Variants in CRACR2A observed in about 807,000 individuals in gnomAD.
The protein encoded by CRACR2A is calcium release activated channel regulator 2A.
A neutral mutation model predicts 90.5 loss-of-function variants in CRACR2A; 79 were observed. That is an observed-to-expected ratio of 0.87 (90% CI 0.73 to 1.05). CRACR2A has a LOEUF of 1.05. CRACR2A is among the 50% of genes least tolerant of loss of function. The pLI, the probability that CRACR2A is intolerant of heterozygous loss-of-function variation, is 0.00. For synonymous variants in CRACR2A, 338 were observed against 356.7 expected (o/e 0.95, Z 0.59); for missense variants, 823 against 897.2 (o/e 0.92, Z 1.06).
intron 14 of CRACR2A, among the ~76,000 whole-genome samples, chr12:3,637,024 G>A (rs1316046102): frequency 6.6e-6 from 1 of 152,206 alleles, no homozygotes; most frequent in Non-Finnish European, 1.5e-5. Context: ...GGCTCGAGGG[G>A]CCTATTCCGA....
At chr12:3,646,697 C>T (rs750369798) in intron 11 of CRACR2A, among the ~76,000 whole-genome samples, 1 of 152,148 alleles carries the variant, frequency 6.6e-6, no homozygotes, top group Non-Finnish European at 1.5e-5. Flanking sequence ...TCGCTCCGCG[C>T]GGAGCTGTGA....
intron 2 of CRACR2A, among the ~76,000 whole-genome samples, chr12:3,715,702 T>C (rs1437292095): frequency 6.6e-6 from 1 of 152,168 alleles, no homozygotes; most frequent in Non-Finnish European, 1.5e-5. Flanking sequence ...AAAAATGGAA[T>C]TAAAAGATGA....
chr12:3,626,991 C>T (rs1944275384), intron 17 of CRACR2A, among the ~76,000 whole-genome samples: 1 of 152,128 alleles, frequency 6.6e-6, no homozygotes, highest in Admixed American at 6.5e-5. Context: ...CCGGGCAGGG[C>T]ATAGCTGGGC....
chr12:3,716,480 TA>T (rs2137790186), intron 2 of CRACR2A, among the ~76,000 whole-genome samples: 1 of 152,344 alleles, frequency 6.6e-6, no homozygotes, highest in Admixed American at 6.5e-5. Flanking sequence ...CAATATTATG[TA>T]AGCTAAACCA....
intron 10 of CRACR2A, among the ~76,000 whole-genome samples, chr12:3,651,412 G>T (rs1390148766): frequency 6.6e-6 from 1 of 152,220 alleles, no homozygotes; most frequent in Non-Finnish European, 1.5e-5. Context: ...GGGGGACACA[G>T]ACTTCTTTTT....
chr12:3,667,081 G>A (rs958555317), intron 7 of CRACR2A, among the ~76,000 whole-genome samples: 4 of 152,122 alleles, frequency 2.6e-5, no homozygotes, highest in African/African-American at 4.8e-5. Context: ...TATGTCTCCC[G>A]GTTTGCAAAG....
chr12:3,712,608 C>T (rs536715380), intron 3 of CRACR2A, among the ~76,000 whole-genome samples: 1 of 152,298 alleles, frequency 6.6e-6, no homozygotes, highest in South Asian at 2.1e-4. Flanking sequence ...GGATTCACCC[C>T]CATAATCCAA....
intron 1 of CRACR2A, among the ~76,000 whole-genome samples, chr12:3,747,721 C>T (rs2137926900): frequency 6.6e-6 from 1 of 152,350 alleles, no homozygotes; most frequent in South Asian, 2.1e-4. Flanking sequence ...GTAAAGGAAG[C>T]TGTCTGGCCA....
intron 12 of CRACR2A, among the ~76,000 whole-genome samples, chr12:3,642,224 T>G (rs11062748): frequency 0.41 from 29,464 of 71,528 alleles, 3,634 homozygotes; most frequent in East Asian, 0.62. Flanking sequence ...AAAAAATATA[T>G]CTATATTTTT....
chr12:3,752,361 CACACACACAGACACACACACACACGG>C, intron 1 of CRACR2A, among the ~76,000 whole-genome samples: 1 of 79,224 alleles, frequency 1.3e-5, no homozygotes, highest in East Asian at 2.5e-4. Flanking sequence ...CACACGGACA[CACACACACAGACACACACACACACGG>C]ACACACACAC....
intron 17 of CRACR2A, among the ~76,000 whole-genome samples, chr12:3,627,209 G>A (rs1024377831): frequency 6.6e-5 from 10 of 152,146 alleles, no homozygotes; most frequent in African/African-American, 2.2e-4. Flanking sequence ...CTCTCTCCAT[G>A]AGGGCAGGGA....
At position 3,746,894 on chromosome 12, in the gene CRACR2A, C is replaced by T. The variant is rs1213033014; in HGVS notation, c.-387+6121G>A. On this transcript the variant is annotated intron_variant, in intron 1 of 19. Transcript: ENST00000440314. This position sits in a 1 kb window ranked among gnomAD's most constrained non-coding sequence, Gnocchi z 4.4. ...CCTTAGCATGGAACTCAACCACAAG[C>T]TCTCAAAACAGGTAATGTCACCATG... Among the ~76,000 whole-genome samples, 7 of 152,248 alleles carry T rather than the reference C, an allele frequency of 4.6e-5. No homozygotes were observed. The highest frequency in any genetic ancestry group is 4.6e-4 in the Admixed American group (7 of 15,294).
chr12:3,630,493 G>C (rs1297468356), intron 15 of CRACR2A, among the ~76,000 whole-genome samples: 1 of 152,158 alleles, frequency 6.6e-6, no homozygotes, highest in Non-Finnish European at 1.5e-5. Flanking sequence ...AGAAAGGGCA[G>C]GGGCATTCTT....
chr12:3,646,658 A>G (rs1437547736), intron 11 of CRACR2A, among the ~76,000 whole-genome samples: 1 of 152,204 alleles, frequency 6.6e-6, no homozygotes, highest in Non-Finnish European at 1.5e-5. Flanking sequence ...TGAGAATGGC[A>G]AAGTGAGCTG....
chr12:3,725,127 T>C (rs1946240046), intron 2 of CRACR2A, among the ~76,000 whole-genome samples: 1 of 152,160 alleles, frequency 6.6e-6, no homozygotes, highest in Non-Finnish European at 1.5e-5. Flanking sequence ...CTCACTTTGC[T>C]TCCATATGAG....
At chr12:3,625,153 T>C (rs917261862) in intron 17 of CRACR2A, among the ~76,000 whole-genome samples, 1 of 152,210 alleles carries the variant, frequency 6.6e-6, no homozygotes, top group Non-Finnish European at 1.5e-5. Context: ...TAAGCAATTC[T>C]GATTTAACTA....
chr12:3,736,195 A>C (rs73247884), intron 1 of CRACR2A, among the ~76,000 whole-genome samples: 23,773 of 151,744 alleles, frequency 0.16, 2,061 homozygotes, highest in African/African-American at 0.2. Flanking sequence ...TATGACCCCA[A>C]CAAGTACAGC....
At chr12:3,618,950 C>T (rs1867752155) in intron 18 of CRACR2A, among the ~76,000 whole-genome samples, 2 of 152,132 alleles carry the variant, frequency 1.3e-5, no homozygotes. Flanking sequence ...AGTGGAAATG[C>T]AGATTGGAGG....
intron 7 of CRACR2A, among the ~76,000 whole-genome samples, chr12:3,662,885 C>T (rs1306322044): frequency 2.0e-5 from 3 of 152,214 alleles, no homozygotes; most frequent in African/African-American, 7.2e-5. Context: ...AGAGACAACT[C>T]ATCATGTTTG....
Sources: gnomAD v4.1 joint callset for allele counts (sites outside exome capture counted in the v4.1 genomes callset) on GRCh38, gnomAD v4.1.1 for gene constraint, Gnocchi (gnomAD v3.1) non-coding constraint, MANE v1.5 for transcripts, NCBI Gene and HGNC (gene_info 2026-07-23, HGNC 2026-07-21) for gene names.